Variants in PHACTR4 observed in about 807,000 individuals in gnomAD.
The protein encoded by PHACTR4 is phosphatase and actin regulator 4, also known as protein phosphatase 1, regulatory subunit 124.
A neutral mutation model predicts 72.7 loss-of-function variants in PHACTR4; 51 were observed. The ratio of observed to expected loss-of-function variants is 0.70; its 90% CI spans 0.56 to 0.89. The LOEUF (loss-of-function observed/expected upper bound fraction) is 0.89, where lower values mean the gene tolerates loss of function less well. PHACTR4 is among the 40% of genes least tolerant of loss of function. The pLI, the probability that PHACTR4 is intolerant of heterozygous loss-of-function variation, is 0.00. For missense variants in PHACTR4, 731 were observed against 861.8 expected (o/e 0.85, Z 1.90); for synonymous variants, 255 against 302.5 (o/e 0.84, Z 1.63).
At chr1:28,472,850 TA>T (rs1659653806) in intron 6 of PHACTR4, among the ~76,000 whole-genome samples, 1 of 148,286 alleles carries the variant, frequency 6.7e-6, no homozygotes, top group Admixed American at 6.8e-5. Flanking sequence ...ACTCCTGACC[TA>T]AGTAATCTGC....
At chr1:28,455,203 T>TTC (rs1199030816) in intron 2 of PHACTR4, among the ~76,000 whole-genome samples, 31 of 142,964 alleles carry the variant, frequency 2.2e-4, no homozygotes, top group African/African-American at 7.5e-4. Context: ...TCTTTCTTTT[T>TTC]TTTTTTTTTT....
chr1:28,470,554 G>A (rs1044888559), intron 6 of PHACTR4, among the ~76,000 whole-genome samples: 4 of 151,766 alleles, frequency 2.6e-5, no homozygotes, highest in Middle Eastern at 3.2e-3. Context: ...AAATTAGCCG[G>A]GCATGGTGGC....
chr1:28,378,198 T>TAAA (rs60280611), intron 1 of PHACTR4, among the ~76,000 whole-genome samples: 2 of 76,386 alleles, frequency 2.6e-5, no homozygotes, highest in Non-Finnish European at 4.8e-5. Flanking sequence ...CTCCATCTCA[T>TAAA]AAAAAAAAAA....
rs1661442686 is a variant in PHACTR4, at chr1:28,497,713, C to T, written c.*1164C>T. ...AAAAAAAAAAAAAAAAAAGCCTTAGCCAGATTCAGTGGCTCACGCCTGTAA... is the reference window on the plus strand; with the variant it reads ...AAAAAAAAAAAAAAAAAAGCCTTAGTCAGATTCAGTGGCTCACGCCTGTAA... On this transcript the variant is annotated 3_prime_UTR_variant, in exon 14 of 14. Coordinates refer to ENST00000373839, the MANE Select transcript of PHACTR4 (RefSeq NM_001048183.3). The T allele has an allele frequency of 6.8e-6, 1 of 148,056 alleles. No individual in the cohort carries two copies. The highest frequency in any genetic ancestry group is 1.5e-5 in the Non-Finnish European group (1 of 67,516). 9.2% of individuals were successfully genotyped at this position (148,056 alleles called of 1,614,324 possible).
chr1:28,389,615 C>T (rs1486047565), intron 1 of PHACTR4, among the ~76,000 whole-genome samples: 2 of 151,660 alleles, frequency 1.3e-5, no homozygotes, highest in African/African-American at 4.8e-5. Flanking sequence ...GTAGCTGGGA[C>T]GACGGGCGCG....
chr1:28,440,360 T>C (rs1656924927), intron 2 of PHACTR4, among the ~76,000 whole-genome samples: 1 of 145,322 alleles, frequency 6.9e-6, no homozygotes, highest in Admixed American at 7.0e-5. Flanking sequence ...ATTTGTATGC[T>C]TCTGAAAAAA....
intron 8 of PHACTR4, 101 bp downstream of exon 8, chr1:28,476,392 C>T (rs1389875342): frequency 1.6e-6 from 2 of 1,221,376 alleles, no homozygotes; most frequent in Admixed American, 6.1e-5. Flanking sequence ...CAGGTACCTT[C>T]TCCCATTAAG....
intron 6 of PHACTR4, among the ~76,000 whole-genome samples, chr1:28,471,086 G>T (rs538931191): frequency 6.6e-6 from 1 of 151,690 alleles, no homozygotes; most frequent in South Asian, 2.1e-4. Context: ...AAGCGGACAT[G>T]CCTGTAATCC....
chr1:28,443,759 C>A (rs1169097561), intron 2 of PHACTR4, among the ~76,000 whole-genome samples: 2 of 152,002 alleles, frequency 1.3e-5, no homozygotes, highest in African/African-American at 4.8e-5. Context: ...CTGGCTCATT[C>A]TTTTTTATGG....
At chr1:28,440,610 T>A (rs1168651152) in intron 2 of PHACTR4, among the ~76,000 whole-genome samples, 2 of 151,772 alleles carry the variant, frequency 1.3e-5, no homozygotes, top group Non-Finnish European at 2.9e-5. Flanking sequence ...CTTAACTAAG[T>A]TTTTTATGTT....
At chr1:28,434,786 C>T (rs1370501260) in intron 2 of PHACTR4, among the ~76,000 whole-genome samples, 3 of 152,096 alleles carry the variant, frequency 2.0e-5, no homozygotes, top group Non-Finnish European at 4.4e-5. Context: ...CCTACCTTCG[C>T]CTGTCCAAAT....
intron 1 of PHACTR4, among the ~76,000 whole-genome samples, chr1:28,372,187 T>TA (rs1165063013): frequency 1.3e-5 from 2 of 151,888 alleles, no homozygotes. Flanking sequence ...GCCTGGCCAA[T>TA]AAAAAATTCT....
At chr1:28,399,789 G>A (rs1199157539) in intron 1 of PHACTR4, among the ~76,000 whole-genome samples, 1 of 152,176 alleles carries the variant, frequency 6.6e-6, no homozygotes, top group Non-Finnish European at 1.5e-5. Flanking sequence ...AAATAAAACA[G>A]GGTAAATGGA....
In PHACTR4 at chr1:28,407,544, GT is replaced by G. The variant is rs956525034; in HGVS notation, c.16+89del. On this transcript the variant is annotated intron_variant, in intron 2 of 13. Transcript: ENST00000373839. ...CCATTAAAGCTTTGAGAGTAAATTGGTTTTTTTTCATATTCAGTATGCTACT... is the reference window on the plus strand; with the variant it reads ...CCATTAAAGCTTTGAGAGTAAATTGGTTTTTTTCATATTCAGTATGCTACT... 137 of 1,325,988 alleles carry G rather than the reference GT, an allele frequency of 1.0e-4. No individual in the cohort carries two copies. The East Asian group carries it at 2.7e-3, about 27-fold the overall frequency. The allele number at this position is 1,325,988 out of a possible 1,614,324, so 82.1% of individuals were successfully genotyped here. A position where few individuals can be genotyped will look rare whatever the true frequency, so the allele number is the denominator to read the frequency against.
chr1:28,395,290 C>T (rs576286171), intron 1 of PHACTR4, among the ~76,000 whole-genome samples: 4 of 151,954 alleles, frequency 2.6e-5, no homozygotes, highest in Non-Finnish European at 4.4e-5. Flanking sequence ...ATATATACGG[C>T]TTCATTTTTG....
intron 10 of PHACTR4, 84 bp downstream of exon 10, chr1:28,489,309 T>C: frequency 8.3e-7 from 1 of 1,208,406 alleles, no homozygotes; most frequent in South Asian, 1.4e-5. Context: ...AAAAGAAGCG[T>C]TTGCTACAAG....
rs1661491204 is a variant in PHACTR4 at position 28,498,504 on chromosome 1, T to C, written c.*1955T>C. On this transcript the variant is annotated 3_prime_UTR_variant, in exon 14 of 14. Coordinates refer to ENST00000373839, the MANE Select transcript of PHACTR4 (RefSeq NM_001048183.3). The stretch of plus-strand genomic sequence containing the variant: ...TCCTAAAACAGAAGATTTTGTTGCT[T>C]TCTTTGAACTTGTATTGAAAACCAT... 6.6e-6 allele frequency: 1 copy of C among 152,240 alleles called. No homozygotes were observed. The highest frequency in any genetic ancestry group is 2.1e-4 in the South Asian group (1 of 4,836). The allele number at this position is 152,240 out of a possible 1,614,324, so 9.4% of individuals were successfully genotyped here.
chr1:28,458,104 GTGTT>G lies in PHACTR4; in HGVS notation c.17-977_17-974del, dbSNP rs764876067. Reference sequence around the variant, plus strand: ...TCAAATCCTTAATATTATGGTGTGTGTGTTTGTGTGTGTGTGTGTGTGTGTGTGT... The same window carrying G: ...TCAAATCCTTAATATTATGGTGTGTGTGTGTGTGTGTGTGTGTGTGTGTGT... On this transcript the variant is annotated intron_variant, in intron 2 of 13. Coordinates refer to ENST00000373839, the MANE Select transcript of PHACTR4 (RefSeq NM_001048183.3). 9.1e-4 allele frequency among the ~76,000 whole-genome samples: 97 copies of G among 107,064 alleles called. 1 individual carries two copies. Among genetic ancestry groups the G allele is most frequent in the South Asian group, 3.4e-3 (12 of 3,578 alleles). The allele number at this position is 107,064 out of a possible 152,430, so 70.2% of individuals were successfully genotyped here.
Position 28,451,919 on chromosome 1 carries a change from C to T in PHACTR4, c.17-7166C>T, listed in dbSNP as rs571542177. Among the ~76,000 whole-genome samples, 11 of 152,172 alleles carry T rather than the reference C, an allele frequency of 7.2e-5. No homozygotes were observed. In the East Asian group the frequency reaches 1.7e-3, roughly 24 times the overall value. On this transcript the variant is annotated intron_variant, in intron 2 of 13. Coordinates refer to ENST00000373839, the MANE Select transcript of PHACTR4 (RefSeq NM_001048183.3). ...CCTCCCAGAGTGCTAGGATTAAAAGCATGAGCCACCATGCCTGGCAAATTT... is the reference window on the plus strand; with the variant it reads ...CCTCCCAGAGTGCTAGGATTAAAAGTATGAGCCACCATGCCTGGCAAATTT...
Sources: allele counts gnomAD v4.1 joint callset (sites outside exome capture counted in the v4.1 genomes callset), GRCh38; gene constraint gnomAD v4.1.1; transcripts MANE v1.5; gene names NCBI Gene and HGNC (gene_info 2026-07-23, HGNC 2026-07-21).